HSD17B12: variants seen among roughly 807,000 people sequenced by gnomAD.
HSD17B12 encodes the protein hydroxysteroid 17-beta dehydrogenase 12.
A neutral mutation model predicts 39.3 loss-of-function variants in HSD17B12; 32 were observed. That is an observed-to-expected ratio of 0.81 (90% confidence interval 0.61 to 1.09). HSD17B12 has a LOEUF of 1.09. Among genes scored for constraint, HSD17B12 ranks in the 50% least tolerant of loss-of-function variants. HSD17B12 has a pLI of 0.00. For missense variants in HSD17B12, 342 were observed against 382.9 expected, an observed-to-expected ratio of 0.89 and a Z score of 0.89; for synonymous variants, 150 against 146.7, an observed-to-expected ratio of 1.02 and a Z score of -0.16.
chr11:43,839,539 T>G (rs1164553076), intron 8 of HSD17B12, among the ~76,000 whole-genome samples: 1 of 152,122 alleles, frequency 6.6e-6, no homozygotes, highest in Non-Finnish European at 1.5e-5. Context: ...CCTCTATACT[T>G]CTTGGATCTT....
At chr11:43,650,886 C>T in the HSD17B12 span, among the ~76,000 whole-genome samples, 4 of 152,186 alleles carry the variant, frequency 2.6e-5, no homozygotes, top group African/African-American at 9.6e-5. Flanking sequence ...CATTCTGAGT[C>T]GTGTGATGAA....
intron 4 of HSD17B12, among the ~76,000 whole-genome samples, chr11:43,815,187 G>C (rs1484593496): frequency 6.6e-6 from 1 of 152,164 alleles, no homozygotes; most frequent in Non-Finnish European, 1.5e-5. Flanking sequence ...TGGAAAGTGA[G>C]AGGCAAGTAT....
rs115481782 is a variant in HSD17B12, at chr11:43,820,952, A to T, written c.501+4561A>T. On this transcript the variant is annotated intron_variant, in intron 6 of 10. Coordinates refer to ENST00000278353, the MANE Select transcript of HSD17B12 (RefSeq NM_016142.3). ...TAGGTCAGATGATTGTAAAAATCAC[A>T]TAAGTTCCGTGTTTCAATAGAGGAA... is the stretch of plus-strand genomic sequence containing the variant. Among the ~76,000 whole-genome samples, 1,412 of 152,322 alleles carry T rather than the reference A, an allele frequency of 9.3e-3. 16 individuals are homozygous for T. The highest frequency in any genetic ancestry group is 0.033 in the African/African-American group (1,380 of 41,560).
intron 1 of HSD17B12, among the ~76,000 whole-genome samples, chr11:43,707,188 T>C (rs1308376954): frequency 6.6e-6 from 1 of 152,228 alleles, no homozygotes; most frequent in African/African-American, 2.4e-5. Context: ...GGTGTAGCAG[T>C]GAACAAAATG....
At position 43,742,130 on chromosome 11, in the gene HSD17B12, TATATA is replaced by T. The variant is rs1202356882; in HGVS notation, c.161-8780_161-8776del. Among the ~76,000 whole-genome samples, 878 of 118,844 alleles carry T rather than the reference TATATA, an allele frequency of 7.4e-3. 16 individuals are homozygous for T. The highest frequency in any genetic ancestry group is 0.026 in the African/African-American group (820 of 32,126). The allele number at this position is 118,844 out of a possible 152,430, so 78.0% of individuals were successfully genotyped here. The stretch of plus-strand genomic sequence containing the variant: ...CAAAGGAAATATATATATATATATA[TATATA>T]TATATTTTTTTTTTTAAATTGAGAC... On this transcript the variant is annotated intron_variant, in intron 1 of 10. Transcript: ENST00000278353.
chr11:43,804,793 C>A (rs1288491864), intron 4 of HSD17B12, among the ~76,000 whole-genome samples: 1 of 152,110 alleles, frequency 6.6e-6, no homozygotes, highest in Non-Finnish European at 1.5e-5. Flanking sequence ...AGCAAAGATA[C>A]CCATCAGAGT....
chr11:43,677,958 A>C (rs1247431786), upstream of HSD17B12, among the ~76,000 whole-genome samples: 1 of 152,184 alleles, frequency 6.6e-6, no homozygotes, highest in Non-Finnish European at 1.5e-5. Context: ...AGTAATGGGA[A>C]GGTTGGGTCA....
At chr11:43,837,350 G>T (rs1951381165) in intron 7 of HSD17B12, among the ~76,000 whole-genome samples, 1 of 152,096 alleles carries the variant, frequency 6.6e-6, no homozygotes, top group Non-Finnish European at 1.5e-5. Flanking sequence ...ACCTAGTATG[G>T]GAGATAGGAG....
At chr11:43,766,046 C>T (rs1950592388) in intron 3 of HSD17B12, among the ~76,000 whole-genome samples, 1 of 152,152 alleles carries the variant, frequency 6.6e-6, no homozygotes, top group African/African-American at 2.4e-5. Context: ...AAGATGGTCT[C>T]GATCTCCTGA....
the HSD17B12 span, among the ~76,000 whole-genome samples, chr11:43,568,614 T>C: frequency 1.3e-5 from 2 of 152,174 alleles, no homozygotes; most frequent in African/African-American, 4.8e-5. Context: ...TTCCATGAGA[T>C]AGGTAGGGCA....
chr11:43,810,367 TTATATATATATATA>T lies in HSD17B12; in HGVS notation c.392-5047_392-5034del, dbSNP rs59970877. Among the ~76,000 whole-genome samples, 172 of 59,668 alleles carry T rather than the reference TTATATATATATATA, an allele frequency of 2.9e-3. No individual in the cohort carries two copies. The East Asian group carries it at 0.04, about 14-fold the overall frequency. 39.1% of individuals were successfully genotyped at this position (59,668 alleles called of 152,430 possible). A position where few individuals can be genotyped will look rare whatever the true frequency, so the allele number is the denominator to read the frequency against. ...ATTTTAAAGCAGTATAATTTAGAAA[TTATATATATATATA>T]TATATATATATATATATATATAAAA... On this transcript the variant is annotated intron_variant, in intron 4 of 10. Coordinates refer to ENST00000278353, the MANE Select transcript of HSD17B12 (RefSeq NM_016142.3).
intron 7 of HSD17B12, chr11:43,838,102 G>A: frequency 1.8e-6 from 1 of 542,708 alleles, no homozygotes; most frequent in Non-Finnish European, 3.3e-6. Flanking sequence ...ACTGGGAAAT[G>A]AGCTAATCGT....
chr11:43,576,055 C>T, the HSD17B12 span, among the ~76,000 whole-genome samples: 2 of 152,124 alleles, frequency 1.3e-5, no homozygotes, highest in Admixed American at 6.5e-5. Context: ...GCTATGCCCC[C>T]CCACCCCCTA....
At chr11:43,659,115 G>T in the HSD17B12 span, among the ~76,000 whole-genome samples, 1 of 152,182 alleles carries the variant, frequency 6.6e-6, no homozygotes, top group African/African-American at 2.4e-5. Context: ...CCCCAGCCTC[G>T]CTGCTGCCTT....
chr11:43,722,001 T>G (rs1191788371), intron 1 of HSD17B12, among the ~76,000 whole-genome samples: 2 of 152,088 alleles, frequency 1.3e-5, no homozygotes, highest in African/African-American at 4.8e-5. Context: ...CATGGTACTT[T>G]TAGGAGTGAG....
At chr11:43,656,380 T>C in the HSD17B12 span, among the ~76,000 whole-genome samples, 2 of 152,100 alleles carry the variant, frequency 1.3e-5, no homozygotes, top group African/African-American at 4.8e-5. Context: ...TTTTGAAGGG[T>C]TTTTTGTGTC....
chr11:43,577,106 G>A, the HSD17B12 span, among the ~76,000 whole-genome samples: 968 of 152,338 alleles, frequency 6.4e-3, 8 homozygotes, highest in Non-Finnish European at 0.011. Flanking sequence ...TCCGGTCCGG[G>A]AACTAAGGAC....
At chr11:43,595,291 A>G in the HSD17B12 span, among the ~76,000 whole-genome samples, 1 of 152,206 alleles carries the variant, frequency 6.6e-6, no homozygotes, top group Non-Finnish European at 1.5e-5. Context: ...TGTCTTGTAT[A>G]TATGTTGCAT....
chr11:43,573,596 T>A, the HSD17B12 span, among the ~76,000 whole-genome samples: 1 of 152,178 alleles, frequency 6.6e-6, no homozygotes, highest in East Asian at 1.9e-4. Context: ...GATTCTGGGT[T>A]TGCTTAAAAG....
Sources: gnomAD v4.1 joint callset for allele counts (sites outside exome capture counted in the v4.1 genomes callset) on GRCh38, gnomAD v4.1.1 for gene constraint, MANE v1.5 for transcripts, NCBI Gene and HGNC (gene_info 2026-07-23, HGNC 2026-07-21) for gene names.